Variants in MROH9 observed in about 807,000 individuals in gnomAD.
The protein encoded by MROH9 is maestro heat like repeat family member 9.
In MROH9, 92 loss-of-function variants were observed where a neutral mutation model predicts 98.2. That is an observed-to-expected ratio of 0.94 (90% CI 0.79 to 1.11). The LOEUF (loss-of-function observed/expected upper bound fraction) is 1.11. MROH9 is among the 50% of genes most tolerant of loss of function. The pLI is 0.00. For synonymous variants in MROH9, 397 were observed against 368.9 expected (o/e 1.08, Z -0.87); for missense variants, 1,057 against 1,014.8 (o/e 1.04, Z -0.57).
chr1:171,022,652 G>A (rs974664855), intron 17 of MROH9, among the ~76,000 whole-genome samples: 4 of 152,032 alleles, frequency 2.6e-5, no homozygotes, highest in Non-Finnish European at 4.4e-5. Context: ...AATGCATATG[G>A]GGCTTAAAAC....
At chr1:171,017,746 G>A (rs1652376364) in intron 17 of MROH9, among the ~76,000 whole-genome samples, 1 of 152,166 alleles carries the variant, frequency 6.6e-6, no homozygotes, top group African/African-American at 2.4e-5. Flanking sequence ...GATCCCAAGA[G>A]GTATCCCCCA....
At chr1:171,054,763 C>T (rs1359200863) in intron 20 of MROH9, among the ~76,000 whole-genome samples, 2 of 152,092 alleles carry the variant, frequency 1.3e-5, no homozygotes, top group African/African-American at 2.4e-5. Context: ...TGCTCCACAC[C>T]ACTAATTATC....
rs761617554 is a variant in MROH9 at position 170,995,370 on chromosome 1, C to T, written c.1195-19C>T. ...AGAAAAATGTTTACATTTCTACCTC[C>T]TATTTCCTTCCCTTATAGGCATGCC... On this transcript the variant is annotated intron_variant, in intron 12 of 21. Coordinates refer to ENST00000367759, the MANE Select transcript of MROH9 (RefSeq NM_001163629.2). The T allele has an allele frequency of 1.9e-6, 3 of 1,612,738 alleles. No homozygotes were observed. Among genetic ancestry groups the T allele is most frequent in the Admixed American group, 1.7e-5 (1 of 59,900 alleles).
intron 1 of MROH9, among the ~76,000 whole-genome samples, chr1:170,942,897 A>C (rs759349548): frequency 6.6e-6 from 1 of 152,142 alleles, no homozygotes; most frequent in Non-Finnish European, 1.5e-5. Context: ...AGGGTAAAGG[A>C]GGCCAATTCT....
intron 7 of MROH9, among the ~76,000 whole-genome samples, chr1:170,969,966 C>T (rs1650378317): frequency 6.6e-6 from 1 of 152,184 alleles, no homozygotes; most frequent in African/African-American, 2.4e-5. Context: ...CGCTGCCTTA[C>T]TCCTCTCTCA....
chr1:170,985,793 T>A (rs1651109448), intron 9 of MROH9, among the ~76,000 whole-genome samples: 1 of 151,350 alleles, frequency 6.6e-6, no homozygotes, highest in Non-Finnish European at 1.5e-5. Context: ...TTCCCTTCCA[T>A]CACCCCTCTG....
chr1:171,011,881 TG>T (rs919810563), intron 15 of MROH9, among the ~76,000 whole-genome samples: 7 of 149,328 alleles, frequency 4.7e-5, no homozygotes, highest in Non-Finnish European at 7.4e-5. Flanking sequence ...TTAATTCTAT[TG>T]TTTTTTTTGT....
intron 15 of MROH9, among the ~76,000 whole-genome samples, chr1:171,010,685 G>T (rs1652119872): frequency 6.6e-6 from 1 of 152,202 alleles, no homozygotes; most frequent in Non-Finnish European, 1.5e-5. Flanking sequence ...CTAATGACCA[G>T]TGATGATGAG....
chr1:171,014,740 C>T (rs1652271800), intron 16 of MROH9, among the ~76,000 whole-genome samples: 1 of 152,210 alleles, frequency 6.6e-6, no homozygotes. Context: ...AGCCTCATCC[C>T]TCTCAGAGCC....
At chr1:170,972,854 AC>A (rs1650521447) in intron 8 of MROH9, among the ~76,000 whole-genome samples, 1 of 150,404 alleles carries the variant, frequency 6.6e-6, no homozygotes, top group Non-Finnish European at 1.5e-5. Context: ...ACACACACAC[AC>A]ACACAGAGTT....
At chr1:171,040,163 TA>T (rs1653250525) in intron 20 of MROH9, among the ~76,000 whole-genome samples, 1 of 151,900 alleles carries the variant, frequency 6.6e-6, no homozygotes, top group Non-Finnish European at 1.5e-5. Flanking sequence ...AAAAGTCAAA[TA>T]GATAGAAATG....
At chr1:171,048,619 A>C (rs1363790853) in intron 20 of MROH9, among the ~76,000 whole-genome samples, 4 of 152,130 alleles carry the variant, frequency 2.6e-5, no homozygotes, top group Non-Finnish European at 4.4e-5. Flanking sequence ...GGATCCCAAG[A>C]GCCCACTTGA....
intron 4 of MROH9, among the ~76,000 whole-genome samples, chr1:170,959,040 T>A (rs1440275369): frequency 6.6e-6 from 1 of 152,198 alleles, no homozygotes; most frequent in Non-Finnish European, 1.5e-5. Flanking sequence ...GACTCATCTG[T>A]CATACAAAGC....
At position 170,971,804 on chromosome 1, in the gene MROH9, T is replaced by G. The variant is rs368219054; in HGVS notation, c.537T>G (p.Cys179Trp). 3.5e-5 allele frequency: 57 copies of G among 1,613,964 alleles called. No homozygotes were observed. The highest frequency in any genetic ancestry group is 4.8e-5 in the Non-Finnish European group (57 of 1,179,950). The change falls in exon 8 of 22, where the codon TGT (cysteine) becomes TGG (tryptophan). Residue 179 changes from cysteine (C) to tryptophan (W), a missense_variant. Transcript: ENST00000367759. ...GLLAAELSLL[C>W]SHEDPSIVKQ... is the part of the protein sequence containing the mutation. ...TGGCAGCAGAGCTGTCTCTTTTGTG[T>G]TCCCATGAAGATCCCTCGATTGTAA...
intron 20 of MROH9, 116 bp downstream of exon 20, chr1:171,025,536 T>C (rs983905402): frequency 9.2e-6 from 6 of 655,528 alleles, no homozygotes. Flanking sequence ...GGACAGCACC[T>C]GTGATGGTGA....
intron 20 of MROH9, among the ~76,000 whole-genome samples, chr1:171,058,346 C>CA (rs34725160): frequency 0.083 from 5,534 of 66,810 alleles, 336 homozygotes; most frequent in African/African-American, 0.21. Flanking sequence ...AGAGAGGATG[C>CA]AAAAAAAAAA....
chr1:170,990,036 A>G, intron 11 of MROH9, 33 bp downstream of exon 11: 4 of 1,584,034 alleles, frequency 2.5e-6, no homozygotes, highest in South Asian at 1.1e-5. Flanking sequence ...CCCTTCCACA[A>G]GGGCTTGTTC....
At chr1:171,024,922 C>A (rs980496837) in intron 19 of MROH9, among the ~76,000 whole-genome samples, 157 bp downstream of exon 19, 3 of 152,178 alleles carry the variant, frequency 2.0e-5, no homozygotes, top group South Asian at 2.1e-4. Flanking sequence ...GAGCTTGAGC[C>A]GAGAGGAATT....
At chr1:170,946,902 T>C (rs1459761895) in intron 2 of MROH9, among the ~76,000 whole-genome samples, 3 of 152,032 alleles carry the variant, frequency 2.0e-5, no homozygotes, top group African/African-American at 7.2e-5. Flanking sequence ...TACTGTTTCC[T>C]ATGAAGTTAT....
Sources: allele counts gnomAD v4.1 joint callset (sites outside exome capture counted in the v4.1 genomes callset), GRCh38; gene constraint gnomAD v4.1.1; transcripts MANE v1.5; gene names NCBI Gene and HGNC (gene_info 2026-07-23, HGNC 2026-07-21).